The following RALYL variants were observed in gnomAD, a reference collection of about 807,000 sequenced individuals.
RALYL encodes the protein RNA-binding Raly-like protein.
RALYL carries 29 observed loss-of-function variants against 35.1 expected under a neutral mutation model. The observed-to-expected ratio is 0.83, with a 90% confidence interval of 0.61 to 1.13. The LOEUF (loss-of-function observed/expected upper bound fraction) is 1.13. Among genes scored for constraint, RALYL ranks in the 50% most tolerant of loss-of-function variants. RALYL has a pLI of 0.00. For synonymous variants in RALYL, 120 were observed against 127.6 expected (o/e 0.94, Z 0.40); for missense variants, 359 against 360.4 (o/e 1.00, Z 0.03).
At chr8:84,487,247 A>C (rs912622238) in intron 1 of RALYL, among the ~76,000 whole-genome samples, 3 of 152,028 alleles carry the variant, frequency 2.0e-5, no homozygotes, top group African/African-American at 7.2e-5. Context: ...TCAATAAATA[A>C]TTTTTTCAGA....
intron 4 of RALYL, among the ~76,000 whole-genome samples, chr8:84,807,097 G>T (rs545961995): frequency 6.6e-6 from 1 of 152,112 alleles, no homozygotes; most frequent in South Asian, 2.1e-4. Flanking sequence ...TGAGATTTTG[G>T]TGCGCCCATC....
chr8:84,211,996 A>G (rs1819604426), intron 1 of RALYL, among the ~76,000 whole-genome samples: 1 of 152,182 alleles, frequency 6.6e-6, no homozygotes, highest in African/African-American at 2.4e-5. Flanking sequence ...AAGGAAGGTA[A>G]GTCCAAGGTC....
rs1860826452 is a variant in RALYL at position 84,392,079 on chromosome 8, G to A, written c.-23-137220G>A. On this transcript the variant is annotated intron_variant, in intron 1 of 8. Transcript: ENST00000521268. The stretch of plus-strand genomic sequence containing the variant: ...AGAACGCACTTAAAAGTGCCAAGTT[G>A]TAGCAAAATCTAGGGAATTTTAACT... Among the ~76,000 whole-genome samples the A allele has an allele frequency of 2.0e-5, 3 of 152,170 alleles. No individual in the cohort carries two copies. In the South Asian group the frequency reaches 6.2e-4, roughly 32 times the overall value.
intron 1 of RALYL, among the ~76,000 whole-genome samples, chr8:84,480,455 G>A (rs1408331155): frequency 1.3e-5 from 2 of 152,140 alleles, no homozygotes; most frequent in African/African-American, 4.8e-5. Context: ...CTTTGTTTAG[G>A]AATACACCTT....
intron 1 of RALYL, among the ~76,000 whole-genome samples, chr8:84,471,974 C>T (rs901198943): frequency 6.6e-6 from 1 of 152,128 alleles, no homozygotes; most frequent in Non-Finnish European, 1.5e-5. Flanking sequence ...ATTAGAGGCT[C>T]AGTGTTTGTC....
intron 1 of RALYL, among the ~76,000 whole-genome samples, chr8:84,432,643 T>C (rs1297662715): frequency 6.6e-6 from 1 of 152,058 alleles, no homozygotes; most frequent in Non-Finnish European, 1.5e-5. Context: ...CTGATATAAT[T>C]AGTTAAGATG....
chr8:84,357,070 T>C (rs1851984545), intron 1 of RALYL, among the ~76,000 whole-genome samples: 1 of 152,092 alleles, frequency 6.6e-6, no homozygotes, highest in South Asian at 2.1e-4. Context: ...AGACAATGTA[T>C]AATGTTTCCT....
chr8:84,317,734 C>A (rs1158235430), intron 1 of RALYL, among the ~76,000 whole-genome samples: 1 of 152,078 alleles, frequency 6.6e-6, no homozygotes, highest in Non-Finnish European at 1.5e-5. Context: ...TCAGTGTCTG[C>A]TATATAATTG....
chr8:84,840,424 G>T (rs192962201), intron 4 of RALYL, among the ~76,000 whole-genome samples: 4 of 152,082 alleles, frequency 2.6e-5, no homozygotes, highest in Admixed American at 2.6e-4. Context: ...AGAGAAAAAA[G>T]AAAAAAGAAA....
chr8:84,663,628 G>C (rs796662604), intron 2 of RALYL, among the ~76,000 whole-genome samples: 8 of 152,176 alleles, frequency 5.3e-5, no homozygotes, highest in African/African-American at 1.9e-4. Context: ...CTTTTGAGAA[G>C]TGTCTGTTCA....
At chr8:84,782,680 G>T (rs1189683531) in intron 3 of RALYL, among the ~76,000 whole-genome samples, 1 of 152,202 alleles carries the variant, frequency 6.6e-6, no homozygotes, top group Non-Finnish European at 1.5e-5. Flanking sequence ...TCACTGTGGG[G>T]TATTGCGGTT....
At chr8:84,698,257 C>T (rs1171281445) in intron 2 of RALYL, among the ~76,000 whole-genome samples, 5 of 152,084 alleles carry the variant, frequency 3.3e-5, no homozygotes, top group Admixed American at 2.6e-4. Context: ...TCATACAAAG[C>T]AAGCACTTAA....
chr8:84,708,867 A>G (rs1841670338), intron 2 of RALYL, among the ~76,000 whole-genome samples: 1 of 152,192 alleles, frequency 6.6e-6, no homozygotes, highest in Admixed American at 6.6e-5. Context: ...CGTAGAGGAA[A>G]AAGTAGAGTA....
intron 1 of RALYL, among the ~76,000 whole-genome samples, chr8:84,423,736 G>A (rs2045977186): frequency 6.6e-6 from 1 of 151,616 alleles, no homozygotes; most frequent in South Asian, 2.1e-4. Flanking sequence ...CTCTTTTAGG[G>A]CAGGCCTGGT....
At chr8:84,362,248 T>G (rs1853197415) in intron 1 of RALYL, among the ~76,000 whole-genome samples, 1 of 152,094 alleles carries the variant, frequency 6.6e-6, no homozygotes. Context: ...TAAACTATCT[T>G]TAGAATATGG....
intron 2 of RALYL, among the ~76,000 whole-genome samples, chr8:84,729,952 G>T (rs1306466781): frequency 1.3e-5 from 2 of 151,986 alleles, no homozygotes; most frequent in African/African-American, 2.4e-5. Context: ...TTCTACCAGA[G>T]GTACAAGGAG....
intron 2 of RALYL, chr8:84,679,968 A>G (rs1221916427): frequency 8.1e-6 from 2 of 245,912 alleles, no homozygotes; most frequent in Non-Finnish European, 1.6e-5. Flanking sequence ...GTCATTTAAT[A>G]TTAGGTATAT....
intron 1 of RALYL, among the ~76,000 whole-genome samples, chr8:84,408,133 A>C (rs1364398028): frequency 6.6e-6 from 1 of 152,140 alleles, no homozygotes; most frequent in Non-Finnish European, 1.5e-5. Flanking sequence ...ACATTTTATA[A>C]AATTTATAAA....
At chr8:84,704,673 T>C (rs1192292792) in intron 2 of RALYL, among the ~76,000 whole-genome samples, 2 of 152,162 alleles carry the variant, frequency 1.3e-5, no homozygotes, top group Non-Finnish European at 2.9e-5. Context: ...AAGCAAGATA[T>C]AACCATAGGG....
Sources: gnomAD v4.1 joint callset for allele counts (sites outside exome capture counted in the v4.1 genomes callset) on GRCh38, gnomAD v4.1.1 for gene constraint, MANE v1.5 for transcripts, NCBI Gene and HGNC (gene_info 2026-07-23, HGNC 2026-07-21) for gene names.